Variants in TRPM3 observed in about 807,000 individuals in gnomAD.
The protein encoded by TRPM3 is long transient receptor potential channel 3.
In TRPM3, 77 loss-of-function variants were observed where a neutral mutation model predicts 181.2. The observed-to-expected ratio is 0.42, with a 90% confidence interval of 0.35 to 0.51. The LOEUF is 0.51. Among genes scored for constraint, TRPM3 ranks in the 20% least tolerant of loss-of-function variants. The pLI is 0.01. For missense variants in TRPM3, 1,759 were observed against 2,196.7 expected, an observed-to-expected ratio of 0.80 and a Z score of 3.98; for synonymous variants, 745 against 796.4, an observed-to-expected ratio of 0.94 and a Z score of 1.09.
At chr9:70,558,766 T>C (rs867817853) in intron 22 of TRPM3, among the ~76,000 whole-genome samples, 108 of 152,258 alleles carry the variant, frequency 7.1e-4, no homozygotes, top group African/African-American at 2.4e-3. Flanking sequence ...CAAAGTCACG[T>C]GCAGGTACAG....
chr9:71,302,119 C>T (rs2086834329), intron 1 of TRPM3, among the ~76,000 whole-genome samples: 1 of 151,938 alleles, frequency 6.6e-6, no homozygotes, highest in Non-Finnish European at 1.5e-5. Context: ...AAATCAACAC[C>T]TACACTGTAG....
rs12551548 is a variant in TRPM3 at position 70,813,461 on chromosome 9, A to G, written c.973+14386T>C. ...AAATTCTCACTTATAAGTGGGGGCT[A>G]AATCTTGGGTGCATACAAACATAAA... On this transcript the variant is annotated intron_variant, in intron 6 of 25. Transcript: ENST00000677713. Among the ~76,000 whole-genome samples, 898 of 152,292 alleles carry G rather than the reference A, an allele frequency of 5.9e-3. 8 individuals are homozygous for G. Among genetic ancestry groups the G allele is most frequent in the Admixed American group, 0.037 (567 of 15,282 alleles).
rs55711193 is a variant in TRPM3, at chr9:70,946,433, GTAATAA to G, written c.178-81928_178-81923del. Among the ~76,000 whole-genome samples, 361 of 144,606 alleles carry G rather than the reference GTAATAA, an allele frequency of 2.5e-3. 2 individuals carry two copies. The highest frequency in any genetic ancestry group is 8.5e-3 in the African/African-American group (317 of 37,116). The allele number at this position is 144,606 out of a possible 152,430, so 94.9% of individuals were successfully genotyped here. The stretch of plus-strand genomic sequence containing the variant: ...AATCAGTTTCCTCCTCTGTTAAATG[GTAATAA>G]TAATAATAATAATAATAATAATAAC... On this transcript the variant is annotated intron_variant, in intron 1 of 25. Transcript: ENST00000677713.
chr9:71,089,459 T>C (rs2065842431), intron 1 of TRPM3, among the ~76,000 whole-genome samples: 1 of 151,804 alleles, frequency 6.6e-6, no homozygotes, highest in Admixed American at 6.6e-5. Context: ...TGTATCTTCC[T>C]TTATATCTCT....
At chr9:71,240,712 G>A (rs1450656151) in intron 1 of TRPM3, among the ~76,000 whole-genome samples, 2 of 152,102 alleles carry the variant, frequency 1.3e-5, no homozygotes, top group Non-Finnish European at 2.9e-5. Context: ...TATTTTTAGT[G>A]GTGAGTTAGA....
intron 1 of TRPM3, among the ~76,000 whole-genome samples, chr9:71,321,506 A>T (rs140985037): frequency 2.8e-4 from 42 of 152,304 alleles, no homozygotes; most frequent in Admixed American, 6.5e-4. Context: ...CTTTCATCTC[A>T]TATGAGGCAT....
chr9:71,443,953 G>A (rs1274344893), intron 1 of TRPM3, among the ~76,000 whole-genome samples: 4 of 152,088 alleles, frequency 2.6e-5, no homozygotes, highest in African/African-American at 9.7e-5. Flanking sequence ...GGCCAAGGCG[G>A]GCAGATCACG....
chr9:71,398,906 A>C (rs1256026542), intron 1 of TRPM3, among the ~76,000 whole-genome samples: 1 of 152,208 alleles, frequency 6.6e-6, no homozygotes, highest in Non-Finnish European at 1.5e-5. Context: ...AATGAATAAG[A>C]GTAATGTAAA....
chr9:71,316,579 G>A (rs1043509929), intron 1 of TRPM3, among the ~76,000 whole-genome samples: 2 of 152,068 alleles, frequency 1.3e-5, no homozygotes, highest in Non-Finnish European at 2.9e-5. Flanking sequence ...ACCAAGAGAC[G>A]TAACATTGCT....
chr9:70,827,951 G>A lies in TRPM3; in HGVS notation c.869C>T (p.Ser290Phe). 1 of 1,614,146 alleles carries A rather than the reference G, an allele frequency of 6.2e-7. No individual in the cohort carries two copies. The highest frequency in any genetic ancestry group is 8.5e-7 in the Non-Finnish European group (1 of 1,180,004). The change falls in exon 6 of 26, where the codon TCC (serine) becomes TTC (phenylalanine). Residue 290 changes from serine to phenylalanine, a missense_variant. Ser to Phe is a radical substitution (Grantham distance 155). This residue lies in a region of TRPM3 where 737 missense variants were observed against 957.4 expected (regional missense o/e 0.77). Transcript: ENST00000677713. ...CCCGTTGTCAGCCAGAATGAAGTGG[G>A]AATGCATGCTGTTGAGAACAGTGAG... ...SKLTVLNSMH[S>F]HFILADNGTT...
At chr9:71,128,768 T>C (rs1292590083) in intron 1 of TRPM3, among the ~76,000 whole-genome samples, 1 of 152,224 alleles carries the variant, frequency 6.6e-6, no homozygotes, top group Non-Finnish European at 1.5e-5. Context: ...ATAACTTGCA[T>C]GAATTGGAGG....
intron 1 of TRPM3, among the ~76,000 whole-genome samples, chr9:71,114,675 C>T (rs2071911239): frequency 6.6e-6 from 1 of 152,070 alleles, no homozygotes; most frequent in African/African-American, 2.4e-5. Flanking sequence ...CAGCCTTTGC[C>T]CCAAAGTGAA....
At chr9:70,925,361 T>C (rs560486027) in intron 1 of TRPM3, among the ~76,000 whole-genome samples, 1 of 152,214 alleles carries the variant, frequency 6.6e-6, no homozygotes, top group African/African-American at 2.4e-5. Context: ...ACCGCAATGA[T>C]GTATTACACT....
chr9:70,636,304 C>G (rs189971501), intron 11 of TRPM3, among the ~76,000 whole-genome samples: 1 of 150,178 alleles, frequency 6.7e-6, no homozygotes, highest in East Asian at 1.9e-4. Flanking sequence ...AAAAAAAAAT[C>G]TTAGCTTGCA....
At chr9:70,602,141 A>G (rs2060148165) in intron 20 of TRPM3, among the ~76,000 whole-genome samples, 2 of 138,554 alleles carry the variant, frequency 1.4e-5, no homozygotes, top group South Asian at 2.2e-4. Flanking sequence ...AGGCTCTTGT[A>G]AAATGAGACT....
chr9:71,005,267 A>C (rs778288555), intron 1 of TRPM3, among the ~76,000 whole-genome samples: 1 of 152,024 alleles, frequency 6.6e-6, no homozygotes. Flanking sequence ...TTAGCAGGGC[A>C]TGGTAGGGCA....
At chr9:70,952,967 T>C (rs1274298193) in intron 1 of TRPM3, among the ~76,000 whole-genome samples, 1 of 152,160 alleles carries the variant, frequency 6.6e-6, no homozygotes, top group Non-Finnish European at 1.5e-5. Context: ...AGAAAACAAT[T>C]TCTCTACTGA....
chr9:70,783,341 C>T (rs1170123373), intron 7 of TRPM3, among the ~76,000 whole-genome samples: 1 of 152,116 alleles, frequency 6.6e-6, no homozygotes, highest in Non-Finnish European at 1.5e-5. Flanking sequence ...ACATCAATGG[C>T]TTCCCTGGGT....
intron 1 of TRPM3, among the ~76,000 whole-genome samples, chr9:71,100,883 A>T (rs2068233654): frequency 6.6e-6 from 1 of 152,192 alleles, no homozygotes; most frequent in South Asian, 2.1e-4. Context: ...TTAGAGTCGT[A>T]ACACAAATGC....
Sources: allele counts gnomAD v4.1 joint callset (sites outside exome capture counted in the v4.1 genomes callset), GRCh38; gene constraint gnomAD v4.1.1; regional missense constraint gnomAD v4.1.1; transcripts MANE v1.5; gene names NCBI Gene and HGNC (gene_info 2026-07-23, HGNC 2026-07-21).